KLC3: variants seen among roughly 807,000 people sequenced by gnomAD.
KLC3 encodes kinesin light chain 2.
A neutral mutation model predicts 62.9 loss-of-function variants in KLC3; 72 were observed. The ratio of observed to expected loss-of-function variants is 1.15; its 90% confidence interval spans 0.95 to 1.39. KLC3 has a LOEUF of 1.39. KLC3 is among the 40% of genes most tolerant of loss of function. The pLI, the probability that KLC3 is intolerant of heterozygous loss-of-function variation, is 0.00. For missense variants in KLC3, 848 were observed against 691.6 expected (o/e 1.23, Z -2.54); for synonymous variants, 377 against 300.5 (o/e 1.25, Z -2.63).
At chr19:45,347,595 C>A in intron 4 of KLC3, 79 bp downstream of exon 4, 1 of 1,350,880 alleles carries the variant, frequency 7.4e-7, no homozygotes, top group South Asian at 1.3e-5. Flanking sequence ...ACCCCAAAAT[C>A]TCTGAGCCAG....
intron 8 of KLC3, chr19:45,349,803 G>A (rs530161143): frequency 1.4e-4 from 80 of 562,104 alleles, no homozygotes; most frequent in Non-Finnish European, 2.3e-4. Context: ...GCAGCCAGAG[G>A]ACAGCCAGTG....
At chr19:45,342,981 C>T (rs368108877) in intron 1 of KLC3, among the ~76,000 whole-genome samples, 43 of 152,274 alleles carry the variant, frequency 2.8e-4, no homozygotes, top group South Asian at 1.0e-3. Flanking sequence ...TGTGCGAGAA[C>T]GTGGCATCCC....
In KLC3 at chr19:45,348,833, T is replaced by TCAA; in HGVS notation, c.886_888dup (p.Asn296dup). 6.4e-7 allele frequency: 1 copy of TCAA among 1,571,300 alleles called. No individual in the cohort carries two copies. ...CCAACCCCGCAGGTGGCCGCCACGC[T>TCAA]CAACAACTTGGCTGTCCTCTATGGG... On this transcript the variant is annotated inframe_insertion, in exon 7 of 13. Transcript: ENST00000391946.
intron 5 of KLC3, 142 bp downstream of exon 5, chr19:45,348,302 G>C (rs1006414182): frequency 5.0e-6 from 4 of 797,288 alleles, no homozygotes; most frequent in Non-Finnish European, 7.9e-6. Context: ...GGGAAAGGAA[G>C]GGAAGGCTCC....
rs560634906 is a variant in KLC3 at position 45,348,583 on chromosome 19, CCT to C, written c.780-62_780-61del. ...TGGGCCTGTCAGGATTGGCCCAGCC[CCT>C]GTGGCTGCAGCTGCCCCAACCCTTG... On this transcript the variant is annotated intron_variant, in intron 5 of 12. Transcript: ENST00000391946. 6.0e-6 allele frequency: 9 copies of C among 1,491,542 alleles called. No individual in the cohort carries two copies. In the East Asian group the frequency reaches 7.4e-5, roughly 12 times the overall value. The allele number at this position is 1,491,542 out of a possible 1,614,324, so 92.4% of individuals were successfully genotyped here.
Position 45,347,449 on chromosome 19 carries a change from G to GTC in KLC3, c.494_495dup (p.Glu166LeufsTer50). 2 of 1,612,164 alleles carry GTC rather than the reference G, an allele frequency of 1.2e-6. No individual in the cohort carries two copies. Among genetic ancestry groups the GTC allele is most frequent in the Non-Finnish European group, 1.7e-6 (2 of 1,179,202 alleles). On this transcript the variant is annotated frameshift_variant, in exon 4 of 13. Coordinates refer to ENST00000391946, the MANE Select transcript of KLC3 (RefSeq NM_177417.3). LOFTEE classifies it high-confidence loss of function. The stretch of plus-strand genomic sequence containing the variant: ...CCCCCACTTTCCTGTCTCTGCAGCA[G>GTC]TCTGAGTCCCCGCCTCGCCGAGACA...
intron 11 of KLC3, 42 bp from the exon 12 acceptor site, chr19:45,350,912 C>T (rs374067377): frequency 3.7e-6 from 6 of 1,604,760 alleles, no homozygotes; most frequent in Non-Finnish European, 5.1e-6. Context: ...AGGGGGGCCA[C>T]TCCTGGATTC....
In KLC3 at chr19:45,350,663, T is replaced by A. The variant is rs773673888; in HGVS notation, c.1295T>A (p.Leu432His). The A allele has an allele frequency of 6.2e-7, 1 of 1,612,264 alleles. No homozygotes were observed. The highest frequency in any genetic ancestry group is 1.1e-5 in the South Asian group (1 of 91,026). The change falls in exon 11 of 13, where the codon CTC becomes CAC. Residue 432 changes from leucine (L) to histidine (H), a missense_variant. By Grantham distance (99) the Leu-to-His change is moderately conservative. Transcript: ENST00000391946. ...CAGGCCCTTCGCCGCAGCAGCTCACTCTCCAAGATCCGTGAGTCTATCAGG... is the reference window on the plus strand; with the variant it reads ...CAGGCCCTTCGCCGCAGCAGCTCACACTCCAAGATCCGTGAGTCTATCAGG... Reference protein sequence around the residue: ...AEQALRRSSSLSKIRESIRRG... With the variant: ...AEQALRRSSSHSKIRESIRRG...
chr19:45,349,754 C>A, intron 8 of KLC3, 152 bp downstream of exon 8: 1 of 703,342 alleles, frequency 1.4e-6, no homozygotes, highest in Non-Finnish European at 2.3e-6. Context: ...GGAGCTGGCT[C>A]AGCACAGAAC....
intron 7 of KLC3, 67 bp downstream of exon 7, chr19:45,348,988 G>A: frequency 7.2e-7 from 1 of 1,381,152 alleles, no homozygotes; most frequent in Non-Finnish European, 1.0e-6. Context: ...GGGATGCTGA[G>A]CACGTACATC....
intron 3 of KLC3, 65 bp downstream of exon 3, chr19:45,346,839 C>T (rs1568522736): frequency 7.8e-6 from 11 of 1,416,878 alleles, no homozygotes; most frequent in Admixed American, 2.1e-5. Flanking sequence ...TCCCCCAGAC[C>T]CTCCTTAGAA....
rs186055996 is a variant in KLC3, at chr19:45,350,397, A to G, written c.1200A>G (p.Glu400=). ...KYQQAEELYK[E]ILHKEDLPAP... ...AACAAGCGGAAGAGCTGTACAAAGA[A>G]ATCCTCCACAAGGAGGACCTACCCG... The change falls in exon 9 of 13, where the codon GAA becomes GAG. Residue 400 remains glutamate (E), a synonymous_variant. Coordinates refer to ENST00000391946, the MANE Select transcript of KLC3 (RefSeq NM_177417.3). 5.0e-6 allele frequency: 8 copies of G among 1,613,466 alleles called. No homozygotes were observed. Among genetic ancestry groups the G allele is most frequent in the Non-Finnish European group, 6.8e-6 (8 of 1,179,924 alleles).
rs774036147 is a variant in KLC3, at chr19:45,350,944, C to CTCTT, written c.1380-8_1380-5dup. 4 of 1,613,946 alleles carry CTCTT rather than the reference C, an allele frequency of 2.5e-6. No individual in the cohort carries two copies. In the East Asian group the frequency reaches 8.9e-5, roughly 36 times the overall value. ...ATTCACTCATTTCCTCCCTGCTGCC[C>CTCTT]TCTTTGCAGAATGAAGAGAGCCATG... is the stretch of plus-strand genomic sequence containing the variant. On this transcript the variant is annotated splice_polypyrimidine_tract_variant and intron_variant, in intron 11 of 12. Transcript: ENST00000391946.
Position 45,350,426 on chromosome 19 carries a change from CT to C in KLC3, c.1230del (p.Leu411SerfsTer51), listed in dbSNP as rs1260789557. The C allele has an allele frequency of 1.2e-6, 2 of 1,613,486 alleles. No individual in the cohort carries two copies. Among genetic ancestry groups the C allele is most frequent in the African/African-American group, 2.7e-5 (2 of 74,874 alleles). On this transcript the variant is annotated frameshift_variant, in exon 9 of 13. Coordinates refer to ENST00000391946, the MANE Select transcript of KLC3 (RefSeq NM_177417.3). LOFTEE classifies it high-confidence loss of function. ...EILHKEDLPA[P>X]LGAPNTGTAG... is the part of the protein sequence containing the mutation. ...CTCCACAAGGAGGACCTACCCGCCC[CT>C]CTCGGTGAGCCCCTAGCCCCTGTCT...
intron 8 of KLC3, chr19:45,349,803 G>T: frequency 1.8e-6 from 1 of 562,218 alleles, no homozygotes; most frequent in Non-Finnish European, 3.1e-6. Flanking sequence ...GCAGCCAGAG[G>T]ACAGCCAGTG....
At chr19:45,342,703 A>G (rs1479194795) in intron 1 of KLC3, among the ~76,000 whole-genome samples, 3 of 152,106 alleles carry the variant, frequency 2.0e-5, no homozygotes, top group Non-Finnish European at 2.9e-5. Flanking sequence ...GGAGGTGGAG[A>G]TCGCAGTGAG....
At chr19:45,347,900 G>C in intron 4 of KLC3, 41 bp from the exon 5 acceptor site, 1 of 1,504,392 alleles carries the variant, frequency 6.6e-7, no homozygotes. Flanking sequence ...TGGAGGGGCA[G>C]GAGGCTTGCA....
At chr19:45,345,500 A>G (rs1328053513) in intron 1 of KLC3, 34 bp from the exon 2 acceptor site, 2 of 1,552,748 alleles carry the variant, frequency 1.3e-6, no homozygotes, top group Non-Finnish European at 1.7e-6. Flanking sequence ...GGCCCGGGCA[A>G]TGATTCCCCA....
At chr19:45,347,265 C>A in intron 3 of KLC3, 182 bp from the exon 4 acceptor site, 1 of 561,756 alleles carries the variant, frequency 1.8e-6, no homozygotes, top group Non-Finnish European at 3.2e-6. Flanking sequence ...TGGCTTGAAC[C>A]CAGGAGGTGG....
Sources: allele counts gnomAD v4.1 joint callset (sites outside exome capture counted in the v4.1 genomes callset), GRCh38; gene constraint gnomAD v4.1.1; transcripts MANE v1.5; gene names NCBI Gene and HGNC (gene_info 2026-07-23, HGNC 2026-07-21).